PCLO: variants seen among roughly 807,000 people sequenced by gnomAD.
The protein encoded by PCLO is piccolo presynaptic cytomatrix protein.
PCLO carries 82 observed loss-of-function variants against 427.5 expected under a neutral mutation model. The ratio of observed to expected loss-of-function variants is 0.19; its 90% CI spans 0.16 to 0.23. PCLO has a LOEUF of 0.23. Among genes scored for constraint, PCLO ranks in the 10% least tolerant of loss-of-function variants. PCLO has a pLI of 1.00. For missense variants in PCLO, 6,239 were observed against 6,115.9 expected, an observed-to-expected ratio of 1.02 and a Z score of -0.67; for synonymous variants, 2,357 against 2,155.4, an observed-to-expected ratio of 1.09 and a Z score of -2.59.
intron 3 of PCLO, among the ~76,000 whole-genome samples, chr7:83,132,614 A>G (rs1294153253): frequency 6.6e-6 from 1 of 152,148 alleles, no homozygotes; most frequent in East Asian, 1.9e-4. Flanking sequence ...ATGCACACAT[A>G]CATATGTATG....
At chr7:82,992,082 C>G (rs1372617938) in intron 3 of PCLO, among the ~76,000 whole-genome samples, 1 of 152,060 alleles carries the variant, frequency 6.6e-6, no homozygotes, top group Non-Finnish European at 1.5e-5. Context: ...CAATGAACAC[C>G]TTTTCAAAAA....
At chr7:83,122,276 CTTTT>C (rs1357128091) in intron 3 of PCLO, among the ~76,000 whole-genome samples, 1 of 118,790 alleles carries the variant, frequency 8.4e-6, no homozygotes, top group Non-Finnish European at 1.7e-5. Flanking sequence ...TTCTTTCTTT[CTTTT>C]CTTTTCTTTT....
At chr7:82,791,580 A>C (rs539810672) in intron 22 of PCLO, among the ~76,000 whole-genome samples, 21 of 131,124 alleles carry the variant, frequency 1.6e-4, no homozygotes, top group African/African-American at 5.1e-4. Flanking sequence ...GAATATATTG[A>C]TGATTTTAGA....
chr7:83,062,951 T>C (rs1789575855), intron 3 of PCLO, among the ~76,000 whole-genome samples: 1 of 152,094 alleles, frequency 6.6e-6, no homozygotes, highest in African/African-American at 2.4e-5. Flanking sequence ...AATTTTCACA[T>C]ATATAACTGC....
intron 20 of PCLO, 133 bp downstream of exon 20, chr7:82,822,362 C>A: frequency 6.4e-7 from 1 of 1,558,442 alleles, no homozygotes; most frequent in Non-Finnish European, 8.7e-7. Flanking sequence ...CGTTCTTACA[C>A]AGACAAAGGG....
chr7:82,977,229 TAG>T (rs946744133), intron 3 of PCLO, among the ~76,000 whole-genome samples: 67 of 152,116 alleles, frequency 4.4e-4, no homozygotes, highest in Middle Eastern at 3.4e-3. Context: ...TTTGTTTTGT[TAG>T]ATCTTTGTTC....
At position 82,845,437 on chromosome 7, in the gene PCLO, T is replaced by C; in HGVS notation, c.13880A>G (p.Glu4627Gly). ...CTGCTGTAGTGAAACCTTCTGGAGT[T>C]CTGCTGCCAACTGCTTAGGATCAAC... The part of the protein sequence containing the change: ...PGVDPKQLAA[E>G]LQKVSLQQSP... Residue 4627 changes from glutamate to glycine, a missense_variant, in exon 13 of 25, where the codon GAA becomes GGA. Coordinates refer to ENST00000333891, the MANE Select transcript of PCLO (RefSeq NM_033026.6). 6.2e-7 allele frequency: 1 copy of C among 1,613,236 alleles called. No homozygotes were observed. Among genetic ancestry groups the C allele is most frequent in the Non-Finnish European group, 8.5e-7 (1 of 1,179,562 alleles).
At chr7:83,115,925 C>T (rs1252535644) in intron 3 of PCLO, among the ~76,000 whole-genome samples, 1 of 151,668 alleles carries the variant, frequency 6.6e-6, no homozygotes. Context: ...TGTTTTAGAT[C>T]TTATAATTAA....
intron 3 of PCLO, among the ~76,000 whole-genome samples, chr7:83,035,312 T>C (rs1259399464): frequency 6.6e-6 from 1 of 152,222 alleles, no homozygotes; most frequent in East Asian, 1.9e-4. Flanking sequence ...TTCAAGGTTG[T>C]ATCTTTTATT....
At chr7:82,881,725 G>T (rs1793512691) in intron 9 of PCLO, among the ~76,000 whole-genome samples, 1 of 152,070 alleles carries the variant, frequency 6.6e-6, no homozygotes, top group Admixed American at 6.6e-5. Flanking sequence ...GCTCACTGCA[G>T]CCTCAAACTC....
At chr7:82,928,379 A>C (rs1211282845) in intron 6 of PCLO, among the ~76,000 whole-genome samples, 1 of 152,174 alleles carries the variant, frequency 6.6e-6, no homozygotes, top group Non-Finnish European at 1.5e-5. Flanking sequence ...GATAATCTTT[A>C]TTTATATAAC....
At chr7:82,770,427 T>C (rs2129467819) in intron 22 of PCLO, among the ~76,000 whole-genome samples, 1 of 152,126 alleles carries the variant, frequency 6.6e-6, no homozygotes, top group African/African-American at 2.4e-5. Context: ...TGGAAGACCA[T>C]TAGAAGCACT....
At chr7:83,138,285 C>G (rs1228033370) in intron 2 of PCLO, among the ~76,000 whole-genome samples, 1 of 152,020 alleles carries the variant, frequency 6.6e-6, no homozygotes, top group Non-Finnish European at 1.5e-5. Context: ...GCGTCATAAC[C>G]AAAGTAGTTT....
intron 18 of PCLO, 69 bp downstream of exon 18, chr7:82,826,520 G>C (rs1006946926): frequency 4.0e-6 from 4 of 1,007,460 alleles, no homozygotes; most frequent in African/African-American, 3.2e-5. Flanking sequence ...TCAGAAACAT[G>C]CTTTGCATCG....
At chr7:82,940,620 C>T (rs1307074967) in intron 6 of PCLO, among the ~76,000 whole-genome samples, 1 of 151,570 alleles carries the variant, frequency 6.6e-6, no homozygotes, top group Non-Finnish European at 1.5e-5. Flanking sequence ...TTTACTCCCT[C>T]AAGAGTTATT....
rs767279029 is a variant in PCLO, at chr7:82,954,387, G to A, written c.6566C>T (p.Ser2189Phe). The part of the protein sequence containing the change: ...SDTPSLTSSV[S>F]SVCTTDSSSP... ...AGAGCTATCTGTGGTACAGACCGAAGAAACAGATGATGTGAGAGAAGGTGT... is the reference window on the plus strand; with the variant it reads ...AGAGCTATCTGTGGTACAGACCGAAAAAACAGATGATGTGAGAGAAGGTGT... Residue 2189 changes from serine (S) to phenylalanine (F), a missense_variant, in exon 5 of 25, where the codon TCT becomes TTT. Coordinates refer to ENST00000333891, the MANE Select transcript of PCLO (RefSeq NM_033026.6). 8 of 1,613,938 alleles carry A rather than the reference G, an allele frequency of 5.0e-6. No individual in the cohort carries two copies. The highest frequency in any genetic ancestry group is 1.6e-4 in the Middle Eastern group (1 of 6,062).
intron 24 of PCLO, among the ~76,000 whole-genome samples, chr7:82,759,632 AAT>A (rs1790388825): frequency 6.6e-6 from 1 of 151,956 alleles, no homozygotes; most frequent in South Asian, 2.1e-4. Context: ...CTTCCAGTCT[AAT>A]ATCAGTTAAT....
intron 12 of PCLO, 126 bp from the exon 13 acceptor site, chr7:82,845,611 G>A: frequency 6.1e-6 from 4 of 654,454 alleles, no homozygotes; most frequent in Middle Eastern, 2.5e-4. Flanking sequence ...CTTTAAAAAT[G>A]AAATTAACTC....
intron 3 of PCLO, among the ~76,000 whole-genome samples, chr7:83,069,216 C>T (rs895850739): frequency 6.6e-6 from 1 of 152,094 alleles, no homozygotes. Context: ...ATCCTTCACT[C>T]CCATACAAAA....
Sources: gnomAD v4.1 joint callset for allele counts (sites outside exome capture counted in the v4.1 genomes callset) on GRCh38, gnomAD v4.1.1 for gene constraint, MANE v1.5 for transcripts, NCBI Gene and HGNC (gene_info 2026-07-23, HGNC 2026-07-21) for gene names.